Variants in NFILZ observed in about 807,000 individuals in gnomAD.
NFILZ encodes NFIL3 like basic leucine zipper.
At position 8,674,546 on chromosome 19, in the gene NFILZ, T is replaced by G. The variant is rs1490491640; in HGVS notation, c.-163-5T>G. Reference sequence around the variant, plus strand: ...AAAACTAAACTTTTTTTTTTTTTTTTGCAGGATTTCTCAGAGCCTTCAATG... The same window carrying G: ...AAAACTAAACTTTTTTTTTTTTTTTGGCAGGATTTCTCAGAGCCTTCAATG... On this transcript the variant is annotated splice_polypyrimidine_tract_variant and splice_region_variant and intron_variant, in intron 3 of 5. Coordinates refer to ENST00000691075, the MANE Select transcript of NFILZ (RefSeq NM_001378600.1). Among the ~76,000 whole-genome samples, 2 of 146,310 alleles carry G rather than the reference T, an allele frequency of 1.4e-5. No individual in the cohort carries two copies. Among genetic ancestry groups the G allele is most frequent in the East Asian group, 2.0e-4 (1 of 5,038 alleles).
intron 4 of NFILZ, among the ~76,000 whole-genome samples, chr19:8,675,626 G>A (rs1425930528): frequency 1.3e-5 from 2 of 152,268 alleles, no homozygotes; most frequent in Middle Eastern, 3.4e-3. Context: ...AAATAGCTGA[G>A]CATAATGGCA....
rs1555750842 is a variant in NFILZ at position 8,677,859 on chromosome 19, C to T, written c.*224C>T. 6.6e-6 allele frequency among the ~76,000 whole-genome samples: 1 copy of T among 152,036 alleles called. No homozygotes were observed. Among genetic ancestry groups the T allele is most frequent in the Non-Finnish European group, 1.5e-5 (1 of 68,004 alleles). On this transcript the variant is annotated 3_prime_UTR_variant, in exon 6 of 6. Coordinates refer to ENST00000691075, the MANE Select transcript of NFILZ (RefSeq NM_001378600.1). ...GGATTCTACCATGGCTCTTGCCTTG[C>T]CTTAAAATCTATGCTTTGGGTTGTC...
At chr19:8,653,214 G>T (rs1453685588) in intron 3 of NFILZ, among the ~76,000 whole-genome samples, 1 of 151,754 alleles carries the variant, frequency 6.6e-6, no homozygotes, top group African/African-American at 2.4e-5. Context: ...CCAAGTAGCT[G>T]GGATTATAGG....
chr19:8,643,382 T>A (rs1366163760), intron 3 of NFILZ, among the ~76,000 whole-genome samples: 1 of 152,150 alleles, frequency 6.6e-6, no homozygotes, highest in Non-Finnish European at 1.5e-5. Flanking sequence ...CTCTATGGGA[T>A]GTGATGGTTA....
intron 3 of NFILZ, among the ~76,000 whole-genome samples, chr19:8,644,136 T>G (rs1353800054): frequency 3.9e-5 from 6 of 152,194 alleles, no homozygotes; most frequent in Non-Finnish European, 7.3e-5. Flanking sequence ...AGTCCTGCTC[T>G]GTTACCCAGG....
chr19:8,674,088 C>T (rs1169930407), intron 3 of NFILZ, among the ~76,000 whole-genome samples: 1 of 152,152 alleles, frequency 6.6e-6, no homozygotes, highest in African/African-American at 2.4e-5. Flanking sequence ...GATCCGCCTG[C>T]CTCGGCCTCC....
At chr19:8,662,950 C>T (rs1268892445) in intron 3 of NFILZ, among the ~76,000 whole-genome samples, 2 of 146,984 alleles carry the variant, frequency 1.4e-5, no homozygotes, top group African/African-American at 5.1e-5. Flanking sequence ...TTTTCTTTTT[C>T]CTTTTTTTTT....
At position 8,640,384 on chromosome 19, in the gene NFILZ, A is replaced by G. The variant is rs1388180728; in HGVS notation, c.-164+4638A>G. On this transcript the variant is annotated intron_variant, in intron 3 of 5. Transcript: ENST00000691075. ...AAGATGTTGCTTGACAAAGCATTCC[A>G]CCACCAACAGGAAAAGTTTACACAC... Among the ~76,000 whole-genome samples, 14 of 143,086 alleles carry G rather than the reference A, an allele frequency of 9.8e-5. No individual in the cohort carries two copies. In the Admixed American group the frequency reaches 1.0e-3, roughly 11 times the overall value. 93.9% of individuals were successfully genotyped at this position (143,086 alleles called of 152,430 possible). A position where few individuals can be genotyped will look rare whatever the true frequency, so the allele number is the denominator to read the frequency against.
chr19:8,642,678 T>A (rs181398186), intron 3 of NFILZ, among the ~76,000 whole-genome samples: 4 of 152,208 alleles, frequency 2.6e-5, no homozygotes, highest in Admixed American at 1.3e-4. Context: ...ATTCCCATGG[T>A]GGTTGCAGAG....
chr19:8,673,319 GA>G lies in NFILZ; in HGVS notation c.-163-1230del, dbSNP rs538909784. Among the ~76,000 whole-genome samples, 603 of 152,298 alleles carry G rather than the reference GA, an allele frequency of 4.0e-3. 4 individuals are homozygous for G. Among genetic ancestry groups the G allele is most frequent in the African/African-American group, 0.013 (559 of 41,566 alleles). On this transcript the variant is annotated intron_variant, in intron 3 of 5. Coordinates refer to ENST00000691075, the MANE Select transcript of NFILZ (RefSeq NM_001378600.1). ...CCCTAGGTGTCTATAAGGGCTCAGT[GA>G]ACTTGGACACCTGAGCAAGGTTATG...
At chr19:8,641,757 T>C (rs1450601117) in intron 3 of NFILZ, among the ~76,000 whole-genome samples, 1 of 152,140 alleles carries the variant, frequency 6.6e-6, no homozygotes, top group Non-Finnish European at 1.5e-5. Flanking sequence ...AGCACTTACT[T>C]GGTAGGGATG....
At chr19:8,672,869 T>C (rs1555750410) in intron 3 of NFILZ, among the ~76,000 whole-genome samples, 1 of 152,226 alleles carries the variant, frequency 6.6e-6, no homozygotes, top group African/African-American at 2.4e-5. Context: ...GAGTCTAAGA[T>C]GCTTATACTT....
intron 3 of NFILZ, among the ~76,000 whole-genome samples, chr19:8,654,059 G>A (rs1032123739): frequency 1.3e-5 from 2 of 152,012 alleles, no homozygotes; most frequent in African/African-American, 4.8e-5. Flanking sequence ...GTGAAACCCT[G>A]TCTGTACTAA....
intron 3 of NFILZ, among the ~76,000 whole-genome samples, chr19:8,657,895 C>T (rs968614893): frequency 6.6e-6 from 1 of 152,128 alleles, no homozygotes; most frequent in African/African-American, 2.4e-5. Context: ...GTCTCAGAGA[C>T]CACACCCCAT....
intron 3 of NFILZ, among the ~76,000 whole-genome samples, chr19:8,654,595 A>G (rs560221337): frequency 6.6e-6 from 1 of 152,306 alleles, no homozygotes; most frequent in South Asian, 2.1e-4. Context: ...AGCCTGGGTG[A>G]CAGAGAAAGC....
At chr19:8,641,646 C>A (rs1561406) in intron 3 of NFILZ, among the ~76,000 whole-genome samples, 20,970 of 152,048 alleles carry the variant, frequency 0.14, 2,059 homozygotes, top group East Asian at 0.43. Context: ...TTCATGACAG[C>A]CCTTGGTGTC....
chr19:8,635,898 G>A (rs1335889693), intron 3 of NFILZ, among the ~76,000 whole-genome samples, 152 bp downstream of exon 3: 7 of 152,002 alleles, frequency 4.6e-5, no homozygotes, highest in Admixed American at 2.0e-4. Context: ...GTGCAATGGT[G>A]CAGTCTTGGC....
chr19:8,637,912 CAAAAAAAAAAA>C lies in NFILZ; in HGVS notation c.-164+2178_-164+2188del, dbSNP rs35778716. Among the ~76,000 whole-genome samples, 7 of 20,274 alleles carry C rather than the reference CAAAAAAAAAAA, an allele frequency of 3.5e-4. No homozygotes were observed. In the East Asian group the frequency reaches 0.012, roughly 33 times the overall value. The allele number at this position is 20,274 out of a possible 152,430, so 13.3% of individuals were successfully genotyped here. A position where few individuals can be genotyped will look rare whatever the true frequency, so the allele number is the denominator to read the frequency against. Reference sequence around the variant, plus strand: ...ACAAGAGCAAGACTAAAGATGGTCTCAAAAAAAAAAAAAAAAAAAAAAGAAAAGAACAGAAA... The same window carrying C: ...ACAAGAGCAAGACTAAAGATGGTCTCAAAAAAAAAAAGAAAAGAACAGAAA... On this transcript the variant is annotated intron_variant, in intron 3 of 5. Coordinates refer to ENST00000691075, the MANE Select transcript of NFILZ (RefSeq NM_001378600.1).
chr19:8,672,514 C>CA (rs1322621262), intron 3 of NFILZ, among the ~76,000 whole-genome samples: 4 of 151,158 alleles, frequency 2.6e-5, no homozygotes, highest in Non-Finnish European at 2.9e-5. Context: ...TTTGTTCATT[C>CA]AAAATCCATA....
Sources: gnomAD v4.1 joint callset for allele counts (sites outside exome capture counted in the v4.1 genomes callset) on GRCh38, gnomAD v4.1.1 for gene constraint, MANE v1.5 for transcripts, NCBI Gene and HGNC (gene_info 2026-07-23, HGNC 2026-07-21) for gene names.